The following UNC13A variants were observed in gnomAD, a reference collection of about 807,000 sequenced individuals.
UNC13A encodes unc-13 homolog A, also known as protein unc-13 homolog A.
UNC13A carries 61 observed loss-of-function variants against 219.7 expected under a neutral mutation model. The observed-to-expected ratio is 0.28, with a 90% CI of 0.23 to 0.34. The LOEUF is 0.34. UNC13A is among the 10% of genes least tolerant of loss of function. The probability of loss-of-function intolerance (pLI) is 1.00; values close to 1 mark genes in which losing one functional copy is unlikely to be tolerated. For synonymous variants in UNC13A, 920 were observed against 884.6 expected (o/e 1.04, Z -0.71); for missense variants, 1,476 against 2,270.3 (o/e 0.65, Z 7.11).
chr19:17,655,763 C>A (rs2079437939), intron 10 of UNC13A, 120 bp downstream of exon 10: 1 of 1,424,436 alleles, frequency 7.0e-7, no homozygotes, highest in Admixed American at 3.1e-5. Flanking sequence ...TTAAGAAACC[C>A]AAGAGCCTGT....
intron 43 of UNC13A, among the ~76,000 whole-genome samples, chr19:17,607,711 G>A (rs1342353899): frequency 1.3e-5 from 2 of 151,538 alleles, no homozygotes; most frequent in Non-Finnish European, 2.9e-5. Context: ...AGCCTCCCAG[G>A]TAGCTGGGAC....
chr19:17,686,463 C>T (rs971344358), intron 1 of UNC13A, among the ~76,000 whole-genome samples: 12 of 151,958 alleles, frequency 7.9e-5, no homozygotes, highest in Non-Finnish European at 1.8e-4. Flanking sequence ...CCTTTAAGAG[C>T]CCGGCTACTT....
At chr19:17,673,459 G>A (rs960046185) in intron 3 of UNC13A, among the ~76,000 whole-genome samples, 2 of 151,752 alleles carry the variant, frequency 1.3e-5, no homozygotes, top group Non-Finnish European at 2.9e-5. Context: ...TTGGGAGGCC[G>A]AGGCGGGTGG....
At position 17,626,740 on chromosome 19, in the gene UNC13A, G is replaced by A. The variant is rs1367112743; in HGVS notation, c.3966C>T (p.Ile1322=). The A allele has an allele frequency of 3.7e-6, 6 of 1,612,272 alleles. No individual in the cohort carries two copies. In the South Asian group the frequency reaches 4.4e-5, roughly 12 times the overall value. ...IEECVKQMGD[I]LSQVKGTGNV... ...TGCCTGTGCCCTTAACCTGGCTAAG[G>A]ATGTCACCCATCTGTTTGACACACT... Residue 1322 remains isoleucine, a synonymous_variant, in exon 34 of 44, where the codon ATC becomes ATT. Transcript: ENST00000519716.
intron 19 of UNC13A, 21 bp from the exon 20 acceptor site, chr19:17,642,981 A>G (rs1455970001): frequency 1.6e-5 from 25 of 1,579,404 alleles, no homozygotes; most frequent in Non-Finnish European, 2.2e-5. Flanking sequence ...GAAAAAGAAG[A>G]CAGTGTCAGA....
chr19:17,645,845 T>C lies in UNC13A; in HGVS notation c.2187-2A>G. On this transcript the variant is annotated splice_acceptor_variant, in intron 18 of 43. Coordinates refer to ENST00000519716, the MANE Select transcript of UNC13A (RefSeq NM_001080421.3). LOFTEE classifies it high-confidence loss of function. ...CGGTCGGAGGAATTGTGACATTCAC[T>C]GTGGCGGGAGGAGGAGGCAGAGGCA... 1 of 1,604,084 alleles carries C rather than the reference T, an allele frequency of 6.2e-7. No individual in the cohort carries two copies.
At chr19:17,631,221 T>C (rs35195517) in intron 28 of UNC13A, among the ~76,000 whole-genome samples, 2,779 of 32,074 alleles carry the variant, frequency 0.087, 311 homozygotes, top group African/African-American at 0.26. Flanking sequence ...CCTTCCTTCC[T>C]TCTTCCTTCC....
chr19:17,652,611 C>T lies in UNC13A; in HGVS notation c.1439+20G>A. On this transcript the variant is annotated intron_variant, in intron 12 of 43. Transcript: ENST00000519716. ...TGGGGTTCAAATCTTCCTCCCACCG[C>T]TCACAGTTTCATTACTTACCCGCCT... is the stretch of plus-strand genomic sequence containing the variant. The T allele has an allele frequency of 1.2e-6, 2 of 1,613,848 alleles. No homozygotes were observed. The highest frequency in any genetic ancestry group is 2.2e-5 in the South Asian group (2 of 91,082).
At chr19:17,625,726 A>C (rs1297453331) in intron 34 of UNC13A, among the ~76,000 whole-genome samples, 13 of 143,608 alleles carry the variant, frequency 9.1e-5, no homozygotes, top group Non-Finnish European at 1.5e-4. Flanking sequence ...TCATCCACCC[A>C]CCCCCCCATC....
intron 4 of UNC13A, among the ~76,000 whole-genome samples, chr19:17,670,555 C>T (rs1323042321): frequency 2.6e-5 from 4 of 151,608 alleles, no homozygotes; most frequent in Admixed American, 6.6e-5. Context: ...CTTTTAGACT[C>T]GCTTACCTAG....
In UNC13A at chr19:17,639,083, C is replaced by T. The variant is rs751853086; in HGVS notation, c.3081G>A (p.Pro1027=). 15 of 1,587,558 alleles carry T rather than the reference C, an allele frequency of 9.4e-6. No homozygotes were observed. The highest frequency in any genetic ancestry group is 1.8e-5 in the Admixed American group (1 of 54,766). The part of the protein sequence containing the change: ...ELYSREYQTD[P]AKKGEVLPEE... ...CCTTCTGACCCATCTGGAGTCTCACCGGGTCTGTCTGGTACTCCCGGCTGT... is the reference window on the plus strand; with the variant it reads ...CCTTCTGACCCATCTGGAGTCTCACTGGGTCTGTCTGGTACTCCCGGCTGT... The change falls in exon 25 of 44, where the codon CCG becomes CCA. Residue 1027 remains proline, a splice_region_variant and synonymous_variant. Transcript: ENST00000519716.
intron 37 of UNC13A, 115 bp from the exon 38 acceptor site, chr19:17,620,837 C>A: frequency 8.1e-7 from 1 of 1,239,532 alleles, no homozygotes; most frequent in East Asian, 2.5e-5. Context: ...GAGCTCCTCC[C>A]CAGGTCCTGG....
intron 8 of UNC13A, among the ~76,000 whole-genome samples, chr19:17,660,030 G>A (rs1306500141): frequency 3.3e-5 from 5 of 152,160 alleles, no homozygotes; most frequent in Admixed American, 2.6e-4. Context: ...ACAGTAGCTG[G>A]GACCACAGGC....
intron 41 of UNC13A, among the ~76,000 whole-genome samples, chr19:17,617,467 C>T (rs994917913): frequency 6.6e-6 from 1 of 152,142 alleles, no homozygotes; most frequent in African/African-American, 2.4e-5. Context: ...CATTGTCTGG[C>T]CCCAGGACAT....
At position 17,627,847 on chromosome 19, in the gene UNC13A, C is replaced by A; in HGVS notation, c.3831+16G>T. 6.3e-7 allele frequency: 1 copy of A among 1,589,490 alleles called. No homozygotes were observed. The highest frequency in any genetic ancestry group is 8.6e-7 in the Non-Finnish European group (1 of 1,166,132). Reference sequence around the variant, plus strand: ...TGCCCCATCCCTTCTCCAGCCCTGCCTCGGCCCTGCCTCACCTCCTTTCCT... The same window carrying A: ...TGCCCCATCCCTTCTCCAGCCCTGCATCGGCCCTGCCTCACCTCCTTTCCT... On this transcript the variant is annotated intron_variant, in intron 32 of 43. Coordinates refer to ENST00000519716, the MANE Select transcript of UNC13A (RefSeq NM_001080421.3). This position sits in a 1 kb window ranked among gnomAD's most constrained non-coding sequence, Gnocchi z 4.7.
At position 17,629,278 on chromosome 19, in the gene UNC13A, C is replaced by T. The variant is rs2076816725; in HGVS notation, c.3715G>A (p.Asp1239Asn). 6 of 1,612,370 alleles carry T rather than the reference C, an allele frequency of 3.7e-6. No individual in the cohort carries two copies. Among genetic ancestry groups the T allele is most frequent in the Non-Finnish European group, 8.5e-7 (1 of 1,179,400 alleles). Residue 1239 changes from aspartate to asparagine, a missense_variant, in exon 31 of 44, where the codon GAC (aspartate) becomes AAC (asparagine). Physicochemically the swap from Asp to Asn is conservative, Grantham distance 23. Transcript: ENST00000519716. The stretch of plus-strand genomic sequence containing the variant: ...TCCTTGGAGCAGTAGGAGGCAAAGT[C>T]CTTGGAGATGATGTCTGCATACTGG... ...LLQYADIISK[D>N]FASYCSKEKE...
chr19:17,630,377 C>T (rs2076830181), intron 29 of UNC13A, 89 bp from the exon 30 acceptor site: 1 of 1,509,322 alleles, frequency 6.6e-7, no homozygotes, highest in Non-Finnish European at 8.9e-7. Flanking sequence ...CGGGGAGAGC[C>T]AGAGACCAAT....
At chr19:17,632,542 A>G (rs915708456) in intron 28 of UNC13A, among the ~76,000 whole-genome samples, 1 of 152,216 alleles carries the variant, frequency 6.6e-6, no homozygotes, top group Non-Finnish European at 1.5e-5. Context: ...ACCTTAACTC[A>G]TAGAATTGTC....
chr19:17,687,434 G>A (rs948476494), intron 1 of UNC13A, among the ~76,000 whole-genome samples: 17 of 152,122 alleles, frequency 1.1e-4, no homozygotes, highest in Admixed American at 2.6e-4. Flanking sequence ...GCCCTGAAAC[G>A]TGTTTGGGAG....
Sources: allele counts gnomAD v4.1 joint callset (sites outside exome capture counted in the v4.1 genomes callset), GRCh38; gene constraint gnomAD v4.1.1; non-coding constraint Gnocchi (gnomAD v3.1); transcripts MANE v1.5; gene names NCBI Gene and HGNC (gene_info 2026-07-23, HGNC 2026-07-21).